Variants in MALRD1 observed in about 807,000 individuals in gnomAD.
MALRD1 encodes the protein MAM and LDL receptor class A domain containing 1.
A neutral mutation model predicts 242.1 loss-of-function variants in MALRD1; 247 were observed. The ratio of observed to expected loss-of-function variants is 1.02; its 90% CI spans 0.92 to 1.13. The LOEUF (loss-of-function observed/expected upper bound fraction) is 1.13, where lower values mean the gene tolerates loss of function less well. Ranked by LOEUF, MALRD1 falls within the 50% of genes most tolerant of loss-of-function variation. MALRD1 has a pLI of 0.00. For synonymous variants in MALRD1, 995 were observed against 866.6 expected, an observed-to-expected ratio of 1.15 and a Z score of -2.60; for missense variants, 2,989 against 2,533.1, an observed-to-expected ratio of 1.18 and a Z score of -3.86.
chr10:19,215,115 G>A (rs1837251789), intron 18 of MALRD1, among the ~76,000 whole-genome samples: 1 of 152,024 alleles, frequency 6.6e-6, no homozygotes, highest in Non-Finnish European at 1.5e-5. Flanking sequence ...TGCTTTGATT[G>A]TGTTTTGCCC....
intron 36 of MALRD1, among the ~76,000 whole-genome samples, chr10:19,624,821 G>T (rs1456398473): frequency 6.9e-6 from 1 of 145,728 alleles, no homozygotes; most frequent in Admixed American, 7.1e-5. Context: ...AGCTGAGATC[G>T]CACCACTGCA....
intron 18 of MALRD1, among the ~76,000 whole-genome samples, chr10:19,232,936 G>T (rs1436351154): frequency 6.6e-6 from 1 of 152,094 alleles, no homozygotes; most frequent in Non-Finnish European, 1.5e-5. Context: ...TTAACACTTT[G>T]TCATCTTTAA....
intron 11 of MALRD1, among the ~76,000 whole-genome samples, chr10:19,153,558 G>A (rs1332921458): frequency 6.6e-6 from 1 of 152,008 alleles, no homozygotes; most frequent in Non-Finnish European, 1.5e-5. Flanking sequence ...GCTGTATGTG[G>A]TAGTGTGCTC....
At chr10:19,534,666 A>G (rs1834573914) in intron 32 of MALRD1, among the ~76,000 whole-genome samples, 2 of 152,158 alleles carry the variant, frequency 1.3e-5, no homozygotes, top group Admixed American at 1.3e-4. Context: ...AAAAGAATAA[A>G]ATAAATGATC....
At chr10:19,500,846 G>A (rs1212485219) in intron 31 of MALRD1, among the ~76,000 whole-genome samples, 1 of 152,046 alleles carries the variant, frequency 6.6e-6, no homozygotes, top group African/African-American at 2.4e-5. Flanking sequence ...TTTCTCAAAT[G>A]CCAGGCACTT....
rs2131527158 is a variant in MALRD1, at chr10:19,171,652, A to ATGTGTC, written c.1831-3555_1831-3554insGTGTCT. ...TGTATATAAATACACACACACATAT[A>ATGTGTC]TATGTCTATGTGTGTATATAAATAC... is the stretch of plus-strand genomic sequence containing the variant. On this transcript the variant is annotated intron_variant, in intron 13 of 39. Transcript: ENST00000454679. Among the ~76,000 whole-genome samples the ATGTGTC allele has an allele frequency of 2.7e-5, 3 of 111,826 alleles. 1 individual carries two copies. Among genetic ancestry groups the ATGTGTC allele is most frequent in the Non-Finnish European group, 3.9e-5 (2 of 50,946 alleles). 73.4% of individuals were successfully genotyped at this position (111,826 alleles called of 152,430 possible). A position where few individuals can be genotyped will look rare whatever the true frequency, so the allele number is the denominator to read the frequency against.
chr10:19,501,117 A>G (rs1187411281), intron 31 of MALRD1, among the ~76,000 whole-genome samples: 8 of 152,302 alleles, frequency 5.3e-5, no homozygotes, highest in Admixed American at 2.6e-4. Context: ...CAGAAATGCC[A>G]TTCAACAAGA....
At chr10:19,230,045 A>G (rs1464353662) in intron 18 of MALRD1, among the ~76,000 whole-genome samples, 2 of 152,050 alleles carry the variant, frequency 1.3e-5, no homozygotes, top group African/African-American at 2.4e-5. Context: ...ATGGTTTTAT[A>G]AGGCGAAACC....
intron 2 of MALRD1, among the ~76,000 whole-genome samples, chr10:19,069,553 T>C (rs988999338): frequency 6.6e-6 from 1 of 152,120 alleles, no homozygotes; most frequent in African/African-American, 2.4e-5. Context: ...AGAAATTCCT[T>C]TAGTATTTCT....
intron 28 of MALRD1, among the ~76,000 whole-genome samples, chr10:19,390,468 G>A (rs913155131): frequency 6.6e-6 from 1 of 152,184 alleles, no homozygotes; most frequent in Non-Finnish European, 1.5e-5. Context: ...GTATAACAAA[G>A]TGACAGTGTT....
At chr10:19,197,215 C>G (rs1429068476) in intron 14 of MALRD1, among the ~76,000 whole-genome samples, 2 of 152,088 alleles carry the variant, frequency 1.3e-5, no homozygotes, top group Non-Finnish European at 2.9e-5. Context: ...CCAATCTTGT[C>G]CCCCCAGGTC....
chr10:19,457,084 C>T (rs1002199318), intron 29 of MALRD1, among the ~76,000 whole-genome samples: 4 of 152,146 alleles, frequency 2.6e-5, no homozygotes, highest in African/African-American at 4.8e-5. Flanking sequence ...CATCACTCAT[C>T]AACACCATCA....
intron 4 of MALRD1, among the ~76,000 whole-genome samples, chr10:19,094,951 A>G (rs1323994547): frequency 6.6e-6 from 1 of 152,176 alleles, no homozygotes; most frequent in Non-Finnish European, 1.5e-5. Flanking sequence ...CAATCAAACA[A>G]AATTTTCCTG....
intron 5 of MALRD1, among the ~76,000 whole-genome samples, chr10:19,109,819 T>A (rs769476770): frequency 3.3e-5 from 5 of 152,228 alleles, no homozygotes; most frequent in Non-Finnish European, 7.3e-5. Flanking sequence ...GCTCCTTCTT[T>A]GGAGCAGCAT....
chr10:19,668,742 A>C (rs1055742127), intron 36 of MALRD1, among the ~76,000 whole-genome samples: 4 of 152,182 alleles, frequency 2.6e-5, no homozygotes, highest in African/African-American at 7.2e-5. Context: ...ATTGACAAAA[A>C]TACTGGAATA....
At chr10:19,467,814 G>A (rs1461934195) in intron 29 of MALRD1, among the ~76,000 whole-genome samples, 4 of 150,504 alleles carry the variant, frequency 2.7e-5, no homozygotes, top group African/African-American at 4.9e-5. Context: ...TTTTTTTTGA[G>A]GTGGAGTTTC....
At chr10:19,141,738 A>T (rs1833551272) in intron 10 of MALRD1, among the ~76,000 whole-genome samples, 1 of 152,154 alleles carries the variant, frequency 6.6e-6, no homozygotes, top group African/African-American at 2.4e-5. Context: ...GACTTTAAAA[A>T]CAATTTTAAA....
At chr10:19,669,576 T>A (rs1841821212) in intron 36 of MALRD1, among the ~76,000 whole-genome samples, 1 of 152,206 alleles carries the variant, frequency 6.6e-6, no homozygotes, top group Non-Finnish European at 1.5e-5. Flanking sequence ...GTTTATCTAA[T>A]AATTTAATTT....
intron 29 of MALRD1, among the ~76,000 whole-genome samples, chr10:19,462,442 C>A (rs1179553909): frequency 6.6e-6 from 1 of 152,220 alleles, no homozygotes; most frequent in African/African-American, 2.4e-5. Flanking sequence ...CCTTCTGCCT[C>A]CGGATCAATC....
Sources: allele counts gnomAD v4.1 joint callset (sites outside exome capture counted in the v4.1 genomes callset), GRCh38; gene constraint gnomAD v4.1.1; transcripts MANE v1.5; gene names NCBI Gene and HGNC (gene_info 2026-07-23, HGNC 2026-07-21).